Variants in ARAP2 observed in about 807,000 individuals in gnomAD.
ARAP2 encodes ArfGAP with RhoGAP domain, ankyrin repeat and PH domain 2, also known as arf-GAP with Rho-GAP domain, ANK repeat and PH domain-containing protein 2.
A neutral mutation model predicts 194.5 loss-of-function variants in ARAP2; 148 were observed. That is an observed-to-expected ratio of 0.76 (90% CI 0.67 to 0.87). The LOEUF (loss-of-function observed/expected upper bound fraction) is 0.87. ARAP2 is among the 40% of genes least tolerant of loss of function. ARAP2 has a pLI of 0.00. For missense variants in ARAP2, 2,128 were observed against 1,989.7 expected (o/e 1.07, Z -1.32); for synonymous variants, 695 against 683.5 (o/e 1.02, Z -0.26).
At chr4:36,211,529 C>G (rs940456076) in intron 5 of ARAP2, among the ~76,000 whole-genome samples, 7 of 152,096 alleles carry the variant, frequency 4.6e-5, no homozygotes, top group African/African-American at 1.4e-4. Context: ...AAAACCATTA[C>G]TGCCTCAAAG....
chr4:36,022,797 T>C (rs1193279313), intron 5 of ARAP2, among the ~76,000 whole-genome samples: 2 of 152,192 alleles, frequency 1.3e-5, no homozygotes, highest in East Asian at 3.8e-4. Context: ...TTCATTTTGA[T>C]CAGTGAACAA....
chr4:36,040,612 G>A (rs1222536023), intron 5 of ARAP2, among the ~76,000 whole-genome samples: 2 of 152,136 alleles, frequency 1.3e-5, no homozygotes, highest in Non-Finnish European at 2.9e-5. Context: ...GCAATTGTGA[G>A]CGAGATTGCC....
At chr4:36,078,464 C>T (rs879891915) in intron 31 of ARAP2, among the ~76,000 whole-genome samples, 5 of 152,230 alleles carry the variant, frequency 3.3e-5, no homozygotes, top group South Asian at 4.1e-4. Context: ...AATTCGCATA[C>T]GTGTTTGTGT....
At chr4:36,097,294 A>G (rs550374296) in intron 27 of ARAP2, among the ~76,000 whole-genome samples, 1 of 152,092 alleles carries the variant, frequency 6.6e-6, no homozygotes, top group Non-Finnish European at 1.5e-5. Context: ...GAGCAAAAAA[A>G]ACTTTGAAAT....
At chr4:36,065,128 C>T (rs1725186531), downstream of ARAP2, 1 of 273,404 alleles carries the variant, frequency 3.7e-6, no homozygotes, top group Non-Finnish European at 7.7e-6. Context: ...GCTCCAATGA[C>T]TTCTTCAGCC....
chr4:36,116,856 T>A (rs1721476115), intron 25 of ARAP2, among the ~76,000 whole-genome samples: 1 of 151,704 alleles, frequency 6.6e-6, no homozygotes, highest in Non-Finnish European at 1.5e-5. Context: ...TCTTAACACG[T>A]AATCCAAAGC....
At chr4:36,168,787 T>C (rs1236222673) in intron 9 of ARAP2, among the ~76,000 whole-genome samples, 2 of 152,176 alleles carry the variant, frequency 1.3e-5, no homozygotes. Flanking sequence ...AGAGAAATGC[T>C]GAGTGCTGTA....
At chr4:36,113,248 G>A (rs1364178054) in intron 26 of ARAP2, among the ~76,000 whole-genome samples, 1 of 151,810 alleles carries the variant, frequency 6.6e-6, no homozygotes. Flanking sequence ...ACCGATTGAG[G>A]GAGACACTGT....
intron 8 of ARAP2, among the ~76,000 whole-genome samples, chr4:36,186,911 C>A (rs1740687285): frequency 6.6e-6 from 1 of 152,192 alleles, no homozygotes; most frequent in Admixed American, 6.5e-5. Flanking sequence ...TCATTATATA[C>A]TACAATGTAA....
chr4:36,102,790 A>T (rs1033071920), intron 27 of ARAP2, among the ~76,000 whole-genome samples: 5 of 151,982 alleles, frequency 3.3e-5, no homozygotes, highest in African/African-American at 1.2e-4. Context: ...TAAATACCTT[A>T]AATTTTCTAT....
chr4:36,136,783 ATGTGTGTGTGTG>A (rs772565955), intron 19 of ARAP2, among the ~76,000 whole-genome samples: 1 of 143,802 alleles, frequency 7.0e-6, no homozygotes, highest in Non-Finnish European at 1.5e-5. Context: ...AATCAAATAT[ATGTGTGTGTGTG>A]TGTGTGTGTG....
At chr4:36,073,911 A>G (rs2109319737) in intron 31 of ARAP2, 88 bp from the exon 32 acceptor site, 1 of 1,442,520 alleles carries the variant, frequency 6.9e-7, no homozygotes. Flanking sequence ...TTTCCCACAT[A>G]TCCACATCAA....
At chr4:36,217,956 G>A (rs182599005) in intron 2 of ARAP2, among the ~76,000 whole-genome samples, 379 of 151,122 alleles carry the variant, frequency 2.5e-3, no homozygotes, top group African/African-American at 8.7e-3. Context: ...TTACAGGGAA[G>A]GGGGTGTGTG....
chr4:36,244,132 C>G (rs1455912275), intron 1 of ARAP2, 47 bp downstream of exon 1: 1 of 152,216 alleles, frequency 6.6e-6, no homozygotes. Context: ...CTCCCACCCC[C>G]GCGTGGGCCA....
intron 5 of ARAP2, among the ~76,000 whole-genome samples, chr4:36,045,714 G>T (rs908705805): frequency 6.6e-6 from 1 of 152,040 alleles, no homozygotes; most frequent in Non-Finnish European, 1.5e-5. Context: ...CTCACCACAA[G>T]GAATGTATAA....
chr4:36,011,711 C>T (rs756960578), intron 9 of ARAP2, among the ~76,000 whole-genome samples: 2 of 152,082 alleles, frequency 1.3e-5, no homozygotes, highest in Admixed American at 6.5e-5. Flanking sequence ...TTTATATTAT[C>T]ATTATTCTTT....
chr4:36,057,366 CCTTG>C (rs200178686), intron 2 of ARAP2, among the ~76,000 whole-genome samples: 1,623 of 150,374 alleles, frequency 0.011, 16 homozygotes, highest in South Asian at 0.018. Context: ...TTTTAATTTA[CCTTG>C]CTTAGAGTTC....
In ARAP2 at chr4:36,187,561, G is replaced by A. The variant is rs766476066; in HGVS notation, c.1568C>T (p.Ser523Leu). ...SYYNNEKEMY[S>L]KGIIPLSAIS... ...AGCAGAAAGGGGAATTATTCCTTTC[G>A]AATACATCTCCTGTATTGGTTAGAA... Residue 523 changes from serine to leucine, a missense_variant, in exon 8 of 33, where the codon TCG becomes TTG. Physicochemically the swap from Ser to Leu is moderately radical, Grantham distance 145. Coordinates refer to ENST00000303965, the MANE Select transcript of ARAP2 (RefSeq NM_015230.4). The A allele has an allele frequency of 3.9e-6, 6 of 1,552,398 alleles. No individual in the cohort carries two copies. The highest frequency in any genetic ancestry group is 2.4e-5 in the East Asian group (1 of 42,278).
chr4:36,025,144 A>T (rs1369215896), intron 5 of ARAP2, among the ~76,000 whole-genome samples: 1 of 152,154 alleles, frequency 6.6e-6, no homozygotes, highest in Non-Finnish European at 1.5e-5. Context: ...ATTATTTTGC[A>T]ATGCCATTCT....
Sources: allele counts gnomAD v4.1 joint callset (sites outside exome capture counted in the v4.1 genomes callset), GRCh38; gene constraint gnomAD v4.1.1; transcripts MANE v1.5; gene names NCBI Gene and HGNC (gene_info 2026-07-23, HGNC 2026-07-21).